Variants in LDLRAP1 observed in about 807,000 individuals in gnomAD.
The protein encoded by LDLRAP1 is low density lipoprotein receptor adaptor protein 1.
Under a neutral mutation model 37.8 loss-of-function variants are expected in LDLRAP1, and 30 were observed. The ratio of observed to expected loss-of-function variants is 0.79; its 90% CI spans 0.59 to 1.08. LDLRAP1 has a LOEUF of 1.08. LDLRAP1 is among the 50% of genes least tolerant of loss of function. The probability of loss-of-function intolerance (pLI) is 0.00; values close to 1 mark genes in which losing one functional copy is unlikely to be tolerated. For synonymous variants in LDLRAP1, 156 were observed against 169.8 expected (o/e 0.92, Z 0.63); for missense variants, 375 against 401.6 (o/e 0.93, Z 0.57).
chr1:25,561,552 G>C (rs1557707191), intron 4 of LDLRAP1, among the ~76,000 whole-genome samples: 1 of 152,218 alleles, frequency 6.6e-6, no homozygotes, highest in African/African-American at 2.4e-5. Context: ...ACTTGAAAGA[G>C]GCTGGTGCTT....
At chr1:25,570,530 C>T (rs955108625), downstream of LDLRAP1, among the ~76,000 whole-genome samples, 3 of 152,102 alleles carry the variant, frequency 2.0e-5, no homozygotes, top group African/African-American at 7.2e-5. Context: ...CGGCCATTCC[C>T]AGGTGCTCAT....
intron 4 of LDLRAP1, among the ~76,000 whole-genome samples, chr1:25,561,615 A>G (rs1481794674): frequency 6.6e-6 from 1 of 152,138 alleles, no homozygotes; most frequent in Admixed American, 6.5e-5. Flanking sequence ...GGCTATAGCT[A>G]CGAACTCTGG....
At position 25,567,640 on chromosome 1, in the gene LDLRAP1, C is replaced by T. The variant is rs2044519674; in HGVS notation, c.*648C>T. The T allele has an allele frequency of 5.9e-6, 1 of 168,510 alleles. No individual in the cohort carries two copies. The highest frequency in any genetic ancestry group is 2.4e-5 in the African/African-American group (1 of 41,546). The allele number at this position is 168,510 out of a possible 1,614,324, so 10.4% of individuals were successfully genotyped here. ...AACAGCAGGTGTGACCCTGAGGGCT[C>T]CTCCATGGTGCTGCATTGAGTCCAG... is the stretch of plus-strand genomic sequence containing the variant. On this transcript the variant is annotated 3_prime_UTR_variant, in exon 9 of 9. Coordinates refer to ENST00000374338, the MANE Select transcript of LDLRAP1 (RefSeq NM_015627.3).
chr1:25,552,953 G>A (rs894220212), intron 1 of LDLRAP1, among the ~76,000 whole-genome samples: 2 of 152,190 alleles, frequency 1.3e-5, no homozygotes, highest in African/African-American at 2.4e-5. Flanking sequence ...AAGAGGAGAG[G>A]GGACTTCCCT....
the LDLRAP1 span, among the ~76,000 whole-genome samples, chr1:25,582,069 G>T: frequency 2.0e-5 from 3 of 152,196 alleles, no homozygotes; most frequent in Non-Finnish European, 4.4e-5. Flanking sequence ...TCTGGGTTCT[G>T]GTCCTGATCT....
At chr1:25,585,547 A>G in the LDLRAP1 span, among the ~76,000 whole-genome samples, 8,102 of 152,110 alleles carry the variant, frequency 0.053, 680 homozygotes, top group African/African-American at 0.18. Flanking sequence ...GGATGGTCTC[A>G]ATCTCCTGAC....
At chr1:25,560,581 A>G (rs1451360083) in intron 4 of LDLRAP1, among the ~76,000 whole-genome samples, 2 of 152,204 alleles carry the variant, frequency 1.3e-5, no homozygotes, top group Non-Finnish European at 2.9e-5. Flanking sequence ...CCCAGGCAGC[A>G]CGGGGCCAGG....
rs2043870372 is a variant in LDLRAP1 at position 25,544,043 on chromosome 1, C to G, written c.88+257C>G. The stretch of plus-strand genomic sequence containing the variant: ...AGCCCGAGCTCGGGGTCCTCAGGTG[C>G]AGCCGGCATGGGGTGGGGTGCAGGT... On this transcript the variant is annotated intron_variant, in intron 1 of 8. Transcript: ENST00000374338. This position sits in a 1 kb window ranked among gnomAD's most constrained non-coding sequence, Gnocchi z 4.8. Among the ~76,000 whole-genome samples, 1 of 152,110 alleles carries G rather than the reference C, an allele frequency of 6.6e-6. No individual in the cohort carries two copies. Among genetic ancestry groups the G allele is most frequent in the Non-Finnish European group, 1.5e-5 (1 of 68,002 alleles).
intron 8 of LDLRAP1, 102 bp downstream of exon 8, chr1:25,565,309 A>G: frequency 7.8e-7 from 1 of 1,286,362 alleles, no homozygotes; most frequent in Non-Finnish European, 1.1e-6. Flanking sequence ...AACACAAGCC[A>G]CTCAGACCCC....
intron 6 of LDLRAP1, 128 bp from the exon 7 acceptor site, chr1:25,563,533 C>T: frequency 7.8e-7 from 1 of 1,288,378 alleles, no homozygotes; most frequent in Non-Finnish European, 1.1e-6. Flanking sequence ...GGTGCCAGGG[C>T]CGGGCTCTGC....
At position 25,567,204 on chromosome 1, in the gene LDLRAP1, T is replaced by G. The variant is rs561211719; in HGVS notation, c.*212T>G. 1.6e-6 allele frequency: 1 copy of G among 627,664 alleles called. No individual in the cohort carries two copies. Among genetic ancestry groups the G allele is most frequent in the South Asian group, 1.9e-5 (1 of 53,916 alleles). 38.9% of individuals were successfully genotyped at this position (627,664 alleles called of 1,614,324 possible). A position where few individuals can be genotyped will look rare whatever the true frequency, so the allele number is the denominator to read the frequency against. The stretch of plus-strand genomic sequence containing the variant: ...GAGAACCAAAAGATGCCTTGAATAT[T>G]TATTCAGTGACTTCTGGCTTATGCT... On this transcript the variant is annotated 3_prime_UTR_variant, in exon 9 of 9. Coordinates refer to ENST00000374338, the MANE Select transcript of LDLRAP1 (RefSeq NM_015627.3).
chr1:25,577,323 A>G, the LDLRAP1 span, among the ~76,000 whole-genome samples: 1 of 152,088 alleles, frequency 6.6e-6, no homozygotes, highest in African/African-American at 2.4e-5. Context: ...GGCTGCCAGG[A>G]TGCGAGCCTG....
In LDLRAP1 at chr1:25,566,814, C is replaced by G. The variant is rs1205498369; in HGVS notation, c.783-34C>G. On this transcript the variant is annotated intron_variant, in intron 8 of 8. Transcript: ENST00000374338. ...GACCCTGGGGCGCGCCAGCCCTCACCCAGGCTCTCGGCTCACACAGCTCTG... is the reference window on the plus strand; with the variant it reads ...GACCCTGGGGCGCGCCAGCCCTCACGCAGGCTCTCGGCTCACACAGCTCTG... The G allele has an allele frequency of 2.5e-6, 4 of 1,594,878 alleles. No homozygotes were observed. The African/African-American group carries it at 5.4e-5, about 21-fold the overall frequency.
chr1:25,585,085 G>C, the LDLRAP1 span, among the ~76,000 whole-genome samples: 1 of 152,178 alleles, frequency 6.6e-6, no homozygotes, highest in Non-Finnish European at 1.5e-5. Context: ...CGGTGGGTGT[G>C]GGGTGTTGAG....
chr1:25,590,285 C>T, the LDLRAP1 span: 1 of 152,336 alleles, frequency 6.6e-6, no homozygotes, highest in South Asian at 2.1e-4. Context: ...TCAGCTATTC[C>T]CTGCAGACTG....
chr1:25,580,713 C>T, the LDLRAP1 span, among the ~76,000 whole-genome samples: 1 of 152,142 alleles, frequency 6.6e-6, no homozygotes, highest in African/African-American at 2.4e-5. Flanking sequence ...AGCCTCACTA[C>T]ATTGCCCGGG....
intron 1 of LDLRAP1, among the ~76,000 whole-genome samples, chr1:25,548,421 C>G (rs982476772): frequency 1.4e-5 from 2 of 140,920 alleles, no homozygotes; most frequent in South Asian, 4.6e-4. Flanking sequence ...GATCTTGGCT[C>G]AGTGCAACCT....
the LDLRAP1 span, among the ~76,000 whole-genome samples, chr1:25,574,045 G>A: frequency 2.0e-5 from 3 of 152,240 alleles, no homozygotes; most frequent in Non-Finnish European, 4.4e-5. Flanking sequence ...TGGCCTGGCC[G>A]GCAGCGCTGC....
At chr1:25,572,618 C>G (rs536675368), downstream of LDLRAP1, among the ~76,000 whole-genome samples, 2 of 152,248 alleles carry the variant, frequency 1.3e-5, no homozygotes, top group Middle Eastern at 3.4e-3. Flanking sequence ...ACAGGACTTG[C>G]CCGGGACTCA....
Sources: allele counts gnomAD v4.1 joint callset (sites outside exome capture counted in the v4.1 genomes callset), GRCh38; gene constraint gnomAD v4.1.1; non-coding constraint Gnocchi (gnomAD v3.1); transcripts MANE v1.5; gene names NCBI Gene and HGNC (gene_info 2026-07-23, HGNC 2026-07-21).